The following SERPINA5 variants were observed in gnomAD, a reference collection of about 807,000 sequenced individuals.
The protein encoded by SERPINA5 is plasma serine protease inhibitor.
Under a neutral mutation model 25.3 loss-of-function variants are expected in SERPINA5, and 25 were observed. The observed-to-expected ratio is 0.99, with a 90% CI of 0.72 to 1.38. SERPINA5 has a LOEUF of 1.38. Ranked by LOEUF, SERPINA5 falls within the 40% of genes most tolerant of loss-of-function variation. The pLI, the probability that SERPINA5 is intolerant of heterozygous loss-of-function variation, is 0.00. For missense variants in SERPINA5, 599 were observed against 509.5 expected (o/e 1.18, Z -1.69); for synonymous variants, 234 against 206.2 (o/e 1.14, Z -1.16).
chr14:94,583,346 G>A (rs1383496916), intron 2 of SERPINA5, among the ~76,000 whole-genome samples: 1 of 152,210 alleles, frequency 6.6e-6, no homozygotes, highest in Non-Finnish European at 1.5e-5. Flanking sequence ...GCCAGGGAAA[G>A]GCGGCAGCTT....
At chr14:94,588,095 G>C in intron 3 of SERPINA5, 114 bp downstream of exon 3, 7 of 1,375,828 alleles carry the variant, frequency 5.1e-6, no homozygotes, top group Non-Finnish European at 6.9e-6. Flanking sequence ...AAGTTCTTTT[G>C]GGTGCCTGTT....
Position 94,590,285 on chromosome 14 carries a change from G to T in SERPINA5, c.864G>T (p.Arg288Ser). Residue 288 changes from arginine to serine, a missense_variant, in exon 4 of 6, where the codon AGG (arginine) becomes AGT (serine). Coordinates refer to ENST00000329597, the MANE Select transcript of SERPINA5 (RefSeq NM_000624.6). ...ATGGACTGAGTGAGAAAACGCTGAGGAAGTGGCTTAAGATGTTCAAAAAGA... is the reference window on the plus strand; with the variant it reads ...ATGGACTGAGTGAGAAAACGCTGAGTAAGTGGCTTAAGATGTTCAAAAAGA... ...VENGLSEKTL[R>S]KWLKMFKKRQ... 1 of 1,609,172 alleles carries T rather than the reference G, an allele frequency of 6.2e-7. No individual in the cohort carries two copies. Among genetic ancestry groups the T allele is most frequent in the Non-Finnish European group, 8.5e-7 (1 of 1,176,410 alleles).
chr14:94,588,925 C>A (rs1885184403), intron 3 of SERPINA5, among the ~76,000 whole-genome samples: 1 of 152,180 alleles, frequency 6.6e-6, no homozygotes, highest in African/African-American at 2.4e-5. Flanking sequence ...ACCTAATCAA[C>A]TCCCAAAGGC....
intron 3 of SERPINA5, among the ~76,000 whole-genome samples, chr14:94,589,754 A>G (rs1295071719): frequency 6.6e-6 from 1 of 152,198 alleles, no homozygotes; most frequent in Non-Finnish European, 1.5e-5. Flanking sequence ...GTAAAACGTT[A>G]GAGAATCAGA....
chr14:94,585,298 C>T (rs552788051), intron 2 of SERPINA5, among the ~76,000 whole-genome samples: 2 of 152,284 alleles, frequency 1.3e-5, no homozygotes, highest in South Asian at 4.1e-4. Context: ...ATGCGCCCAA[C>T]TGCTGTGGCT....
chr14:94,583,505 C>T (rs1198919935), intron 2 of SERPINA5, among the ~76,000 whole-genome samples: 2 of 152,188 alleles, frequency 1.3e-5, no homozygotes, highest in South Asian at 2.1e-4. Context: ...TCTGCCTGGG[C>T]TCCAAGCCTC....
intron 3 of SERPINA5, 60 bp from the exon 4 acceptor site, chr14:94,589,981 C>G: frequency 6.8e-7 from 1 of 1,477,348 alleles, no homozygotes; most frequent in Non-Finnish European, 9.1e-7. Flanking sequence ...TTATTTGCAG[C>G]TGAGAATTTC....
Position 94,592,276 on chromosome 14 carries a change from G to A in SERPINA5, c.*37G>A. 1 of 1,584,612 alleles carries A rather than the reference G, an allele frequency of 6.3e-7. No homozygotes were observed. Among genetic ancestry groups the A allele is most frequent in the Non-Finnish European group, 8.6e-7 (1 of 1,162,060 alleles). On this transcript the variant is annotated 3_prime_UTR_variant, in exon 6 of 6. Transcript: ENST00000329597. ...TCCTGAAATCTACAGGCCTCAGGGT[G>A]GGAGATGAAGGGGGCTAAGCTATGG... is the stretch of plus-strand genomic sequence containing the variant.
In SERPINA5 at chr14:94,590,143, A is replaced by G. The variant is rs755080692; in HGVS notation, c.722A>G (p.Gln241Arg). 6.2e-7 allele frequency: 1 copy of G among 1,614,190 alleles called. No homozygotes were observed. Among genetic ancestry groups the G allele is most frequent in the Admixed American group, 1.7e-5 (1 of 60,020 alleles). Residue 241 changes from glutamine (Q) to arginine (R), a missense_variant, in exon 4 of 6, where the codon CAG becomes CGG. Physicochemically the swap from Gln to Arg is conservative, Grantham distance 43 (BLOSUM62 1). Transcript: ENST00000329597. ...VRVPMMSRED[Q>R]YHYLLDRNLS... ...GTACCCATGATGAGCCGCGAGGATC[A>G]GTATCACTACCTCCTGGACCGGAAC...
At chr14:94,592,032 G>A (rs1885320902) in intron 5 of SERPINA5, 25 bp from the exon 6 acceptor site, 3 of 1,601,158 alleles carry the variant, frequency 1.9e-6, no homozygotes, top group Non-Finnish European at 1.7e-6. Context: ...TAGTGGCCTG[G>A]TGATGCCTGG....
In SERPINA5 at chr14:94,592,089, G is replaced by A; in HGVS notation, c.1071G>A (p.Glu357=). The A allele has an allele frequency of 1.2e-6, 2 of 1,613,884 alleles. No individual in the cohort carries two copies. Among genetic ancestry groups the A allele is most frequent in the Middle Eastern group, 3.3e-4 (2 of 5,992 alleles). ...ACAAAGCTGTGGTGGAGGTGGACGA[G>A]TCGGGAACCAGAGCAGCGGCAGCCA... ...MVHKAVVEVD[E]SGTRAAAATG... The change falls in exon 6 of 6, where the codon GAG becomes GAA. Residue 357 remains glutamate, a synonymous_variant. Coordinates refer to ENST00000329597, the MANE Select transcript of SERPINA5 (RefSeq NM_000624.6).
intron 5 of SERPINA5, among the ~76,000 whole-genome samples, chr14:94,591,107 TTCCACTCCACTCCAC>T (rs75220496): frequency 8.0e-6 from 1 of 124,298 alleles, no homozygotes; most frequent in Non-Finnish European, 1.8e-5. Flanking sequence ...CTCTATTCAG[TTCCACTCCACTCCAC>T]TCCACTCCAG....
At position 94,589,812 on chromosome 14, in the gene SERPINA5, T is replaced by C. The variant is rs138595160; in HGVS notation, c.620-229T>C. ...CTGAAGATGTGAAAACCAACCTCCT[T>C]GTTTTGCAAATGTGGAAGGAAAAGT... On this transcript the variant is annotated intron_variant, in intron 3 of 5. Coordinates refer to ENST00000329597, the MANE Select transcript of SERPINA5 (RefSeq NM_000624.6). 6.9e-3 allele frequency among the ~76,000 whole-genome samples: 1,050 copies of C among 152,220 alleles called. 12 individuals carry two copies. The highest frequency in any genetic ancestry group is 0.023 in the African/African-American group (968 of 41,548).
Position 94,587,461 on chromosome 14 carries a change from C to A in SERPINA5, c.99C>A (p.Asp33Glu). 1 of 1,614,182 alleles carries A rather than the reference C, an allele frequency of 6.2e-7. No individual in the cohort carries two copies. Among genetic ancestry groups the A allele is most frequent in the South Asian group, 1.1e-5 (1 of 91,084 alleles). The change falls in exon 3 of 6, where the codon GAC becomes GAA. Residue 33 changes from aspartate (D) to glutamate (E), a missense_variant. Asp to Glu is a conservative substitution (Grantham distance 45). Transcript: ENST00000329597. Reference sequence around the variant, plus strand: ...GGGAGATGAAGAAGAGAGTCGAGGACCTCCATGTAGGTGCCACGGTGGCCC... The same window carrying A: ...GGGAGATGAAGAAGAGAGTCGAGGAACTCCATGTAGGTGCCACGGTGGCCC... ...HPREMKKRVE[D>E]LHVGATVAPS...
rs753061301 is a variant in SERPINA5 at position 94,592,136 on chromosome 14, G to A, written c.1118G>A (p.Arg373Lys). The change falls in exon 6 of 6, where the codon AGG becomes AAG. Residue 373 changes from arginine (R) to lysine (K), a missense_variant. Transcript: ENST00000329597. ...GCCACGGGGACAATATTCACTTTCAGGTCGGCCCGCCTGAACTCTCAGAGG... is the reference window on the plus strand; with the variant it reads ...GCCACGGGGACAATATTCACTTTCAAGTCGGCCCGCCTGAACTCTCAGAGG... ...AAATGTIFTFRSARLNSQRLV... is the reference protein window; with the variant it reads ...AAATGTIFTFKSARLNSQRLV... 6.2e-7 allele frequency: 1 copy of A among 1,614,028 alleles called. No homozygotes were observed. The highest frequency in any genetic ancestry group is 1.7e-5 in the Admixed American group (1 of 60,006).
chr14:94,587,723 C>G lies in SERPINA5; in HGVS notation c.361C>G (p.Pro121Ala), dbSNP rs6120. The G allele has an allele frequency of 6.2e-7, 1 of 1,614,200 alleles. No individual in the cohort carries two copies. The highest frequency in any genetic ancestry group is 8.5e-7 in the Non-Finnish European group (1 of 1,180,038). Residue 121 changes from proline to alanine, a missense_variant, in exon 3 of 6, where the codon CCC becomes GCC. By Grantham distance (27) the Pro-to-Ala change is conservative (BLOSUM62 -1). Transcript: ENST00000329597. ...FQQLLQELNQ[P>A]RDGFQLSLGN... is the part of the protein sequence containing the mutation. ...GCAGCTCCTTCAGGAACTCAACCAG[C>G]CCAGAGATGGCTTCCAGCTGAGCCT...
At chr14:94,590,348 C>T (rs373582354) in intron 4 of SERPINA5, 37 bp downstream of exon 4, 165 of 1,554,312 alleles carry the variant, frequency 1.1e-4, no homozygotes, top group Non-Finnish European at 1.4e-4. Context: ...CCTAAACCCA[C>T]ACAGCCCCAG....
intron 2 of SERPINA5, among the ~76,000 whole-genome samples, chr14:94,583,381 G>A (rs757296817): frequency 6.6e-6 from 1 of 152,162 alleles, no homozygotes; most frequent in Admixed American, 6.5e-5. Flanking sequence ...GAGATAGAAC[G>A]GACAAGCTTT....
intron 2 of SERPINA5, among the ~76,000 whole-genome samples, chr14:94,583,009 A>G (rs762904235): frequency 6.6e-6 from 1 of 152,190 alleles, no homozygotes; most frequent in Non-Finnish European, 1.5e-5. Flanking sequence ...GCCCAGAGTT[A>G]GGACAGAACT....
Sources: allele counts gnomAD v4.1 joint callset (sites outside exome capture counted in the v4.1 genomes callset), GRCh38; gene constraint gnomAD v4.1.1; transcripts MANE v1.5; gene names NCBI Gene and HGNC (gene_info 2026-07-23, HGNC 2026-07-21).